Variants in SLC9B1 observed in about 807,000 individuals in gnomAD.
SLC9B1 encodes sodium/hydrogen exchanger 9B1.
SLC9B1 carries 32 observed loss-of-function variants against 51.7 expected under a neutral mutation model. The observed-to-expected ratio is 0.62, with a 90% CI of 0.47 to 0.83. SLC9B1 has a LOEUF of 0.83. SLC9B1 is among the 40% of genes least tolerant of loss of function. SLC9B1 has a pLI of 0.00. For missense variants in SLC9B1, 406 were observed against 613.2 expected, an observed-to-expected ratio of 0.66 and a Z score of 3.57; for synonymous variants, 145 against 212.7, an observed-to-expected ratio of 0.68 and a Z score of 2.77.
chr4:102,990,271 A>C (rs765036546), intron 2 of SLC9B1, among the ~76,000 whole-genome samples: 6 of 152,170 alleles, frequency 3.9e-5, no homozygotes, highest in Non-Finnish European at 7.4e-5. Context: ...ATTCACCAAA[A>C]CTTTTGTGAA....
chr4:102,903,947 T>C (rs542352476), intron 11 of SLC9B1, among the ~76,000 whole-genome samples: 2 of 152,190 alleles, frequency 1.3e-5, no homozygotes, highest in South Asian at 2.1e-4. Context: ...ATTAACCAAA[T>C]AGAATACAAA....
At position 102,905,715 on chromosome 4, in the gene SLC9B1, G is replaced by A. The variant is rs923641438; in HGVS notation, c.1196-65C>T. On this transcript the variant is annotated intron_variant, in intron 10 of 11. Coordinates refer to ENST00000296422, the MANE Select transcript of SLC9B1 (RefSeq NM_139173.4). ...GTGAAGAAGTGTTCTTCATGCCCAG[G>A]AATATGATTTCTAAAACTTTTGAAA... The A allele has an allele frequency of 6.1e-6, 9 of 1,486,576 alleles. No individual in the cohort carries two copies. The Admixed American group carries it at 8.1e-5, about 13-fold the overall frequency. 92.1% of individuals were successfully genotyped at this position (1,486,576 alleles called of 1,614,324 possible).
At chr4:102,995,711 A>G (rs930941963) in intron 1 of SLC9B1, among the ~76,000 whole-genome samples, 10 of 152,178 alleles carry the variant, frequency 6.6e-5, no homozygotes, top group Admixed American at 1.3e-4. Flanking sequence ...TTGAGTTGAG[A>G]AAGAAATGTA....
chr4:102,899,476 C>T (rs1389853851), downstream of SLC9B1, among the ~76,000 whole-genome samples: 1 of 151,382 alleles, frequency 6.6e-6, no homozygotes, highest in Non-Finnish European at 1.5e-5. Flanking sequence ...TGCAGTGGTG[C>T]GATCTCAGCT....
At chr4:102,959,095 A>C (rs1737950284) in intron 3 of SLC9B1, among the ~76,000 whole-genome samples, 1 of 152,202 alleles carries the variant, frequency 6.6e-6, no homozygotes, top group African/African-American at 2.4e-5. Context: ...GAATGGACTA[A>C]AATAAAAAGG....
intron 1 of SLC9B1, among the ~76,000 whole-genome samples, chr4:103,008,797 C>CTTTTT (rs34403441): frequency 2.0e-4 from 20 of 99,438 alleles, no homozygotes; most frequent in East Asian, 6.0e-4. Flanking sequence ...TTAACAGTTT[C>CTTTTT]TTTTTTTTTT....
chr4:102,985,259 C>T (rs1739553847), intron 3 of SLC9B1, among the ~76,000 whole-genome samples: 3 of 152,130 alleles, frequency 2.0e-5, no homozygotes, highest in African/African-American at 7.2e-5. Flanking sequence ...CTAGCAATCT[C>T]TGTATTTTAC....
intron 1 of SLC9B1, among the ~76,000 whole-genome samples, chr4:103,008,422 CTTTTT>C (rs3974483): frequency 6.9e-6 from 1 of 145,716 alleles, no homozygotes; most frequent in Admixed American, 6.8e-5. Flanking sequence ...TCATTTGCTA[CTTTTT>C]TTTTTTTTTT....
chr4:102,999,647 T>A (rs1274746390), intron 1 of SLC9B1, among the ~76,000 whole-genome samples: 1 of 152,002 alleles, frequency 6.6e-6, no homozygotes, highest in Admixed American at 6.6e-5. Flanking sequence ...GTAGGGGGAG[T>A]GAAAAAATCA....
At chr4:102,894,862 G>A (rs1358837205) in intron 11 of SLC9B1, among the ~76,000 whole-genome samples, 1 of 152,128 alleles carries the variant, frequency 6.6e-6, no homozygotes, top group Non-Finnish European at 1.5e-5. Flanking sequence ...TGAGGTGGGA[G>A]GTTGGGGCTT....
intron 3 of SLC9B1, among the ~76,000 whole-genome samples, chr4:102,959,186 G>A (rs1251359300): frequency 1.3e-5 from 2 of 151,688 alleles, no homozygotes; most frequent in African/African-American, 4.8e-5. Context: ...GATAAAACAA[G>A]CAGGTTGAAT....
At chr4:102,888,030 G>A (rs1200577718) in intron 11 of SLC9B1, 2 of 151,300 alleles carry the variant, frequency 1.3e-5, no homozygotes, top group Non-Finnish European at 2.9e-5. Context: ...TAAAAGATTT[G>A]TTTACTTTAC....
downstream of SLC9B1, chr4:102,898,320 GA>G (rs1463532988): frequency 3.0e-6 from 1 of 334,782 alleles, no homozygotes; most frequent in Non-Finnish European, 5.7e-6. Flanking sequence ...AAATACTATG[GA>G]AAAAATTTGT....
At chr4:102,933,874 A>G (rs1357939683) in intron 6 of SLC9B1, among the ~76,000 whole-genome samples, 2 of 152,244 alleles carry the variant, frequency 1.3e-5, no homozygotes, top group East Asian at 3.8e-4. Flanking sequence ...ACTTAGAGAG[A>G]CATTTCACAA....
At chr4:103,000,650 TC>T (rs1740470882) in intron 1 of SLC9B1, among the ~76,000 whole-genome samples, 1 of 152,136 alleles carries the variant, frequency 6.6e-6, no homozygotes, top group Non-Finnish European at 1.5e-5. Flanking sequence ...CAAAATAATC[TC>T]CTTTGACTCC....
At chr4:102,994,269 T>C (rs1004111688) in intron 1 of SLC9B1, among the ~76,000 whole-genome samples, 1 of 152,144 alleles carries the variant, frequency 6.6e-6, no homozygotes, top group African/African-American at 2.4e-5. Flanking sequence ...ATTATCACTC[T>C]CAAGTTCAAA....
intron 1 of SLC9B1, among the ~76,000 whole-genome samples, chr4:102,994,973 A>T: frequency 6.6e-6 from 1 of 152,154 alleles, no homozygotes; most frequent in East Asian, 1.9e-4. Context: ...ATATCAAATG[A>T]CTACCTTGTC....
intron 3 of SLC9B1, among the ~76,000 whole-genome samples, chr4:102,978,271 G>A (rs1161354453): frequency 6.6e-6 from 1 of 152,104 alleles, no homozygotes; most frequent in Non-Finnish European, 1.5e-5. Context: ...ATAAACATAC[G>A]TGTGCATGTG....
intron 3 of SLC9B1, among the ~76,000 whole-genome samples, chr4:102,983,474 C>T (rs1209624739): frequency 6.6e-6 from 1 of 152,094 alleles, no homozygotes; most frequent in Non-Finnish European, 1.5e-5. Flanking sequence ...ATAATTTCAT[C>T]CTTAAATGTT....
Sources: gnomAD v4.1 joint callset for allele counts (sites outside exome capture counted in the v4.1 genomes callset) on GRCh38, gnomAD v4.1.1 for gene constraint, MANE v1.5 for transcripts, NCBI Gene and HGNC (gene_info 2026-07-23, HGNC 2026-07-21) for gene names.